Variants in PIP5K1B observed in about 807,000 individuals in gnomAD.
PIP5K1B encodes phosphatidylinositol-4-phosphate 5-kinase type 1 beta.
PIP5K1B carries 42 observed loss-of-function variants against 67.0 expected under a neutral mutation model. The ratio of observed to expected loss-of-function variants is 0.63; its 90% confidence interval spans 0.49 to 0.81. The LOEUF (loss-of-function observed/expected upper bound fraction) is 0.81, where lower values mean the gene tolerates loss of function less well. Ranked by LOEUF, PIP5K1B falls within the 30% of genes least tolerant of loss-of-function variation. PIP5K1B has a pLI of 0.00. For missense variants in PIP5K1B, 459 were observed against 646.3 expected (o/e 0.71, Z 3.14); for synonymous variants, 214 against 231.4 (o/e 0.92, Z 0.68).
Position 68,920,574 on chromosome 9 carries a change from G to A in PIP5K1B, c.1116+845G>A, listed in dbSNP as rs528156423. 4.0e-5 allele frequency among the ~76,000 whole-genome samples: 6 copies of A among 151,778 alleles called. No homozygotes were observed. The East Asian group carries it at 1.2e-3, about 29-fold the overall frequency. ...GTAGAGACAGGATTTCGCCATGTTG[G>A]CCAGGCTGGTCTCGAACTCCTGACC... is the stretch of plus-strand genomic sequence containing the variant. On this transcript the variant is annotated intron_variant, in intron 11 of 15. Coordinates refer to ENST00000265382, the MANE Select transcript of PIP5K1B (RefSeq NM_003558.4).
At chr9:68,845,801 T>C (rs1822159064) in intron 4 of PIP5K1B, among the ~76,000 whole-genome samples, 1 of 152,218 alleles carries the variant, frequency 6.6e-6, no homozygotes, top group African/African-American at 2.4e-5. Flanking sequence ...CAAAAAATGC[T>C]TAATCCCAAC....
intron 5 of PIP5K1B, among the ~76,000 whole-genome samples, chr9:68,869,778 AAGC>A (rs1823542858): frequency 6.6e-6 from 1 of 152,180 alleles, no homozygotes; most frequent in Non-Finnish European, 1.5e-5. Context: ...AAGAGTTTGA[AAGC>A]AGCCTGGGCA....
intron 1 of PIP5K1B, among the ~76,000 whole-genome samples, chr9:68,730,352 A>G (rs1230455731): frequency 6.6e-6 from 1 of 152,200 alleles, no homozygotes; most frequent in Non-Finnish European, 1.5e-5. Flanking sequence ...CAGCCAGGAA[A>G]TGGGATGCCA....
chr9:68,827,803 G>T (rs1013498039), intron 4 of PIP5K1B, among the ~76,000 whole-genome samples: 1 of 152,198 alleles, frequency 6.6e-6, no homozygotes, highest in Non-Finnish European at 1.5e-5. Flanking sequence ...GATTTTGTTT[G>T]TTTGTTGTTT....
rs139821303 is a variant in PIP5K1B, at chr9:68,859,811, A to T, written c.70-4026A>T. Among the ~76,000 whole-genome samples, 7 of 152,340 alleles carry T rather than the reference A, an allele frequency of 4.6e-5. No homozygotes were observed. The East Asian group carries it at 1.3e-3, about 29-fold the overall frequency. The stretch of plus-strand genomic sequence containing the variant: ...TCAGAGACACTCCAGGTAGTGTTTC[A>T]CAGTGTTTTTTCACAGTTTCAAAGT... On this transcript the variant is annotated intron_variant, in intron 4 of 15. Coordinates refer to ENST00000265382, the MANE Select transcript of PIP5K1B (RefSeq NM_003558.4).
chr9:69,001,096 AGGG>A (rs1830806985), intron 15 of PIP5K1B, among the ~76,000 whole-genome samples: 1 of 151,446 alleles, frequency 6.6e-6, no homozygotes, highest in Admixed American at 6.6e-5. Context: ...TTGTAATGAC[AGGG>A]TTTCAGCATG....
intron 15 of PIP5K1B, among the ~76,000 whole-genome samples, chr9:69,000,958 C>G (rs530330989): frequency 6.6e-6 from 1 of 150,610 alleles, no homozygotes; most frequent in Non-Finnish European, 1.5e-5. Context: ...AGTGCAGTGG[C>G]GCAATCCTGG....
At chr9:68,781,045 C>T in intron 2 of PIP5K1B, 3 of 1,602,060 alleles carry the variant, frequency 1.9e-6, no homozygotes, top group Non-Finnish European at 2.6e-6. Context: ...CATCCTGAGA[C>T]TTTCTTTTTG....
intron 1 of PIP5K1B, among the ~76,000 whole-genome samples, chr9:68,714,282 G>C (rs550011688): frequency 6.6e-6 from 1 of 152,102 alleles, no homozygotes; most frequent in Non-Finnish European, 1.5e-5. Context: ...GGTGGGCACC[G>C]CTAGTCACCA....
chr9:68,991,284 T>C, intron 15 of PIP5K1B, 27 bp downstream of exon 15: 1 of 1,206,748 alleles, frequency 8.3e-7, no homozygotes, highest in Non-Finnish European at 1.2e-6. Context: ...TTTCCTCTCC[T>C]CCACTTCTGG....
At chr9:68,968,052 G>C (rs1829131675) in intron 14 of PIP5K1B, among the ~76,000 whole-genome samples, 1 of 152,146 alleles carries the variant, frequency 6.6e-6, no homozygotes, top group Non-Finnish European at 1.5e-5. Context: ...GAAAAGAGAA[G>C]ACTCAGATCT....
At chr9:68,941,640 G>C (rs1564254408) in intron 14 of PIP5K1B, among the ~76,000 whole-genome samples, 1 of 152,184 alleles carries the variant, frequency 6.6e-6, no homozygotes, top group African/African-American at 2.4e-5. Flanking sequence ...TGTTAGACTA[G>C]TTCTTGTTGA....
chr9:68,793,237 A>G (rs2132506929), intron 2 of PIP5K1B, among the ~76,000 whole-genome samples: 1 of 143,928 alleles, frequency 6.9e-6, no homozygotes, highest in East Asian at 2.1e-4. Flanking sequence ...CATAGGTGGC[A>G]TAGTATCTTG....
intron 8 of PIP5K1B, among the ~76,000 whole-genome samples, chr9:68,898,387 G>C (rs1321561614): frequency 2.6e-5 from 4 of 152,110 alleles, no homozygotes; most frequent in Admixed American, 2.6e-4. Flanking sequence ...CCCTTGGTCT[G>C]ACCCTCTATA....
chr9:68,912,043 T>C (rs781290265), intron 8 of PIP5K1B, among the ~76,000 whole-genome samples: 2 of 152,160 alleles, frequency 1.3e-5, no homozygotes, highest in Non-Finnish European at 2.9e-5. Context: ...CTCAAATCTA[T>C]CCACTTCTCC....
At chr9:68,969,612 A>G (rs1354580345) in intron 14 of PIP5K1B, among the ~76,000 whole-genome samples, 1 of 152,172 alleles carries the variant, frequency 6.6e-6, no homozygotes, top group Non-Finnish European at 1.5e-5. Flanking sequence ...AGGCAGAAGA[A>G]AAATGCTCAC....
intron 5 of PIP5K1B, among the ~76,000 whole-genome samples, chr9:68,868,024 A>T (rs1029467221): frequency 6.6e-6 from 1 of 152,180 alleles, no homozygotes; most frequent in Non-Finnish European, 1.5e-5. Flanking sequence ...TGTCCTATGA[A>T]TTATTTCATT....
At chr9:68,773,508 G>T (rs1830764779) in intron 2 of PIP5K1B, among the ~76,000 whole-genome samples, 1 of 152,118 alleles carries the variant, frequency 6.6e-6, no homozygotes, top group South Asian at 2.1e-4. Flanking sequence ...TTCCTTTATA[G>T]TCCCCCATGG....
intron 12 of PIP5K1B, among the ~76,000 whole-genome samples, chr9:68,929,331 G>A (rs928443078): frequency 2.6e-5 from 4 of 152,130 alleles, no homozygotes; most frequent in East Asian, 1.9e-4. Context: ...ACAGATCCCT[G>A]TAGAGATTAT....
Sources: gnomAD v4.1 joint callset for allele counts (sites outside exome capture counted in the v4.1 genomes callset) on GRCh38, gnomAD v4.1.1 for gene constraint, MANE v1.5 for transcripts, NCBI Gene and HGNC (gene_info 2026-07-23, HGNC 2026-07-21) for gene names.